Variants in ADRA1A observed in about 807,000 individuals in gnomAD.
ADRA1A encodes the protein alpha-1A adrenergic receptor.
Under a neutral mutation model 29.6 loss-of-function variants are expected in ADRA1A, and 31 were observed. The observed-to-expected ratio is 1.05, with a 90% confidence interval of 0.79 to 1.41. The LOEUF is 1.41. Ranked by LOEUF, ADRA1A falls within the 40% of genes most tolerant of loss-of-function variation. The pLI, the probability that ADRA1A is intolerant of heterozygous loss-of-function variation, is 0.00. For missense variants in ADRA1A, 619 were observed against 601.1 expected (o/e 1.03, Z -0.31); for synonymous variants, 311 against 254.3 (o/e 1.22, Z -2.12).
chr8:26,862,042 C>T (rs1813510902), intron 2 of ADRA1A, among the ~76,000 whole-genome samples: 1 of 152,148 alleles, frequency 6.6e-6, no homozygotes, highest in Non-Finnish European at 1.5e-5. Context: ...TGACTTCCCA[C>T]CACAATTAGA....
chr8:26,757,392 G>T (rs1341366234), intron 2 of ADRA1A, among the ~76,000 whole-genome samples: 1 of 152,026 alleles, frequency 6.6e-6, no homozygotes. Context: ...CCACTTAAAG[G>T]GTGCCCCAGA....
In ADRA1A at chr8:26,864,573, G is replaced by A. The variant is rs968763557; in HGVS notation, c.397C>T (p.Arg133Cys). The A allele has an allele frequency of 9.9e-6, 16 of 1,614,110 alleles. No homozygotes were observed. Among genetic ancestry groups the A allele is most frequent in the Non-Finnish European group, 1.4e-5 (16 of 1,180,028 alleles). ...DRYIGVSYPL[R>C]YPTIVTQRRG... is the part of the protein sequence containing the mutation. The stretch of plus-strand genomic sequence containing the variant: ...CTCTGGGTGACGATGGTTGGGTAGC[G>A]CAGCGGGTAGCTCACGCCGATGTAG... Residue 133 changes from arginine (R) to cysteine (C), a missense_variant, in exon 2 of 3, where the codon CGC becomes TGC. Physicochemically the swap from Arg to Cys is radical, Grantham distance 180. Coordinates refer to ENST00000380573, the MANE Select transcript of ADRA1A (RefSeq NM_000680.4). The surrounding 1 kb of genome is among the most constrained non-coding windows in gnomAD (Gnocchi z 8.1).
In ADRA1A at chr8:26,815,384, T is replaced by C. The variant is rs1809683596; in HGVS notation, c.884-44718A>G. ...AAATTTTTCCAAGGGAGCAAAAAAT[T>C]ATCCAAAGCACTAAAACAAGAGGTA... On this transcript the variant is annotated intron_variant, in intron 2 of 2. Coordinates refer to ENST00000380573, the MANE Select transcript of ADRA1A (RefSeq NM_000680.4). This position sits in a 1 kb window ranked among gnomAD's most constrained non-coding sequence, Gnocchi z 4.2. 6.6e-6 allele frequency among the ~76,000 whole-genome samples: 1 copy of C among 152,202 alleles called. No homozygotes were observed. Among genetic ancestry groups the C allele is most frequent in the African/African-American group, 2.4e-5 (1 of 41,438 alleles).
chr8:26,836,105 G>C (rs573172050), intron 2 of ADRA1A: 1 of 188,978 alleles, frequency 5.3e-6, no homozygotes, highest in East Asian at 1.5e-4. Flanking sequence ...ACCCTTCAGC[G>C]GTTGTTGCCT....
At chr8:26,748,621 C>T (rs1804793057) in exon 3 of ADRA1A, 1 of 423,040 alleles carries the variant, frequency 2.4e-6, no homozygotes, top group East Asian at 8.2e-5. Flanking sequence ...GGCCTGGTGG[C>T]ACATCCCTGT....
At chr8:26,765,734 A>T, downstream of ADRA1A, 1 of 1,007,874 alleles carries the variant, frequency 9.9e-7, no homozygotes, top group Non-Finnish European at 1.2e-6. Context: ...CTCTTTCTTT[A>T]ATTAAGTCAA....
chr8:26,766,834 A>G (rs1805818668), downstream of ADRA1A, among the ~76,000 whole-genome samples: 1 of 152,134 alleles, frequency 6.6e-6, no homozygotes, highest in Admixed American at 6.6e-5. Context: ...AATTCCCTGA[A>G]GATGCCTGGC....
At chr8:26,816,568 T>TGTGTGTGTGC (rs1491386057) in intron 2 of ADRA1A, among the ~76,000 whole-genome samples, 1 of 148,042 alleles carries the variant, frequency 6.8e-6, no homozygotes, top group Non-Finnish European at 1.5e-5. Context: ...TGTGTGTGTG[T>TGTGTGTGTGC]GCATCCACAT....
intron 2 of ADRA1A, among the ~76,000 whole-genome samples, chr8:26,760,102 T>G (rs73678229): frequency 0.011 from 1,617 of 152,302 alleles, 33 homozygotes; most frequent in African/African-American, 0.037. Flanking sequence ...GTTAGAACAG[T>G]CCTGATTCTT....
In ADRA1A at chr8:26,864,769, GT is replaced by G; in HGVS notation, c.200del (p.Asn67ThrfsTer23). On this transcript the variant is annotated frameshift_variant, in exon 2 of 3. Transcript: ENST00000380573. LOFTEE classifies it high-confidence loss of function. This position sits in a 1 kb window ranked among gnomAD's most constrained non-coding sequence, Gnocchi z 8.1. The part of the protein sequence containing the change: ...LHSVTHYYIV[N>X]LAVADLLLTS... ...TGAGCAGGAGGTCGGCCACCGCCAG[GT>G]TGACGATGTAGTAGTGCGTGACTGA... The G allele has an allele frequency of 1.9e-6, 3 of 1,614,180 alleles. No homozygotes were observed. Among genetic ancestry groups the G allele is most frequent in the Non-Finnish European group, 2.5e-6 (3 of 1,180,036 alleles).
Position 26,805,216 on chromosome 8 carries a change from G to A in ADRA1A, c.884-34550C>T, listed in dbSNP as rs1015003756. Among the ~76,000 whole-genome samples, 4 of 152,206 alleles carry A rather than the reference G, an allele frequency of 2.6e-5. No homozygotes were observed. The highest frequency in any genetic ancestry group is 6.5e-5 in the Admixed American group (1 of 15,282). On this transcript the variant is annotated intron_variant, in intron 2 of 2. Coordinates refer to ENST00000380573, the MANE Select transcript of ADRA1A (RefSeq NM_000680.4). This position sits in a 1 kb window ranked among gnomAD's most constrained non-coding sequence, Gnocchi z 4.8. Reference sequence around the variant, plus strand: ...CACCTCTGCCTACCTGGCTCTTCACGTGAAGTCGCCTTCCTCATTTGTCCA... The same window carrying A: ...CACCTCTGCCTACCTGGCTCTTCACATGAAGTCGCCTTCCTCATTTGTCCA...
At chr8:26,777,513 A>G (rs934975005) in intron 2 of ADRA1A, among the ~76,000 whole-genome samples, 9 of 152,172 alleles carry the variant, frequency 5.9e-5, no homozygotes, top group Non-Finnish European at 1.3e-4. Flanking sequence ...GAGCAAGCAG[A>G]TGTGATTTCG....
chr8:26,865,032 G>A lies in ADRA1A; in HGVS notation c.-63C>T, dbSNP rs1310513004. On this transcript the variant is annotated 5_prime_UTR_variant, in exon 2 of 3. Coordinates refer to ENST00000380573, the MANE Select transcript of ADRA1A (RefSeq NM_000680.4). The surrounding 1 kb of genome is among the most constrained non-coding windows in gnomAD (Gnocchi z 7.6). ...GGCCACCTCCCGGGCTGGCGCGGAG[G>A]CGGGAGCGCGGGAGCCGGGAATCAA... 2.6e-6 allele frequency: 4 copies of A among 1,518,538 alleles called. No individual in the cohort carries two copies. The East Asian group carries it at 6.8e-5, about 26-fold the overall frequency. The allele number at this position is 1,518,538 out of a possible 1,614,324, so 94.1% of individuals were successfully genotyped here. A position where few individuals can be genotyped will look rare whatever the true frequency, so the allele number is the denominator to read the frequency against.
intron 2 of ADRA1A, among the ~76,000 whole-genome samples, chr8:26,838,584 C>A (rs1002479940): frequency 1.3e-5 from 2 of 152,186 alleles, no homozygotes; most frequent in Non-Finnish European, 2.9e-5. Flanking sequence ...TTAGAGCTTA[C>A]AAGATGATCA....
At chr8:26,810,628 T>A in intron 2 of ADRA1A, among the ~76,000 whole-genome samples, 1 of 152,194 alleles carries the variant, frequency 6.6e-6, no homozygotes, top group East Asian at 1.9e-4. Context: ...GCTAGTGATT[T>A]GATTGTAAAA....
At chr8:26,780,592 C>T (rs187330964) in intron 2 of ADRA1A, among the ~76,000 whole-genome samples, 220 of 152,324 alleles carry the variant, frequency 1.4e-3, no homozygotes, top group African/African-American at 5.1e-3. Context: ...GCCATTTCCC[C>T]TGTGGATTTA....
chr8:26,750,808 G>A (rs1038996092), intron 2 of ADRA1A, among the ~76,000 whole-genome samples: 2 of 152,188 alleles, frequency 1.3e-5, no homozygotes, highest in Admixed American at 6.5e-5. Flanking sequence ...AGTGGCTCAC[G>A]CCTATAGCCC....
chr8:26,750,816 C>T (rs146876337), intron 2 of ADRA1A, among the ~76,000 whole-genome samples: 59 of 152,264 alleles, frequency 3.9e-4, no homozygotes, highest in African/African-American at 1.3e-3. Flanking sequence ...ACGCCTATAG[C>T]CCCAGCACTT....
chr8:26,799,042 G>A (rs1358134020), intron 2 of ADRA1A, among the ~76,000 whole-genome samples: 2 of 151,956 alleles, frequency 1.3e-5, no homozygotes, highest in Non-Finnish European at 2.9e-5. Flanking sequence ...TGAATTTAAT[G>A]AACTAAAAAA....
Sources: gnomAD v4.1 joint callset for allele counts (sites outside exome capture counted in the v4.1 genomes callset) on GRCh38, gnomAD v4.1.1 for gene constraint, Gnocchi (gnomAD v3.1) non-coding constraint, MANE v1.5 for transcripts, NCBI Gene and HGNC (gene_info 2026-07-23, HGNC 2026-07-21) for gene names.